The following SIM1 variants were observed in gnomAD, a reference collection of about 807,000 sequenced individuals.
SIM1 encodes the protein SIM bHLH transcription factor 1.
A neutral mutation model predicts 78.2 loss-of-function variants in SIM1; 18 were observed. That is an observed-to-expected ratio of 0.23 (90% confidence interval 0.16 to 0.34). The LOEUF (loss-of-function observed/expected upper bound fraction) is 0.34, where lower values mean the gene tolerates loss of function less well. Among genes scored for constraint, SIM1 ranks in the 10% least tolerant of loss-of-function variants. The pLI is 1.00. For missense variants in SIM1, 939 were observed against 975.1 expected (o/e 0.96, Z 0.49); for synonymous variants, 417 against 385.2 (o/e 1.08, Z -0.97).
At chr6:100,410,313 TG>T (rs1415072150) in intron 10 of SIM1, among the ~76,000 whole-genome samples, 7 of 152,200 alleles carry the variant, frequency 4.6e-5, no homozygotes, top group Non-Finnish European at 7.3e-5. Flanking sequence ...TCTTTTAAGC[TG>T]GGGAGCGGAA....
intron 2 of SIM1, among the ~76,000 whole-genome samples, chr6:100,456,514 A>G (rs1226650585): frequency 6.6e-6 from 1 of 152,262 alleles, no homozygotes; most frequent in African/African-American, 2.4e-5. Flanking sequence ...GTTTTGCAAA[A>G]GAGAAAAGGA....
At chr6:100,395,819 C>T (rs994861208) in intron 10 of SIM1, among the ~76,000 whole-genome samples, 6 of 152,222 alleles carry the variant, frequency 3.9e-5, no homozygotes, top group Non-Finnish European at 8.8e-5. Context: ...ATGAACTACA[C>T]AGGTTCCTCT....
At chr6:100,421,733 G>A (rs1771593913) in intron 9 of SIM1, among the ~76,000 whole-genome samples, 1 of 152,160 alleles carries the variant, frequency 6.6e-6, no homozygotes, top group African/African-American at 2.4e-5. Context: ...GAAGATGACA[G>A]CCTTGGCCTG....
At chr6:100,453,732 T>G in intron 3 of SIM1, 30 bp downstream of exon 3, 1 of 1,564,750 alleles carries the variant, frequency 6.4e-7, no homozygotes, top group South Asian at 1.1e-5. Flanking sequence ...CCTCAAAGCT[T>G]ATGTGTTGCC....
intron 2 of SIM1, among the ~76,000 whole-genome samples, chr6:100,462,302 A>G (rs1404620844): frequency 1.3e-5 from 2 of 152,180 alleles, no homozygotes; most frequent in Non-Finnish European, 2.9e-5. Context: ...CCTCTTTTAC[A>G]TTTCTGAATC....
In SIM1 at chr6:100,390,386, G is replaced by A. The variant is rs200035963; in HGVS notation, c.2276C>T (p.Ser759Phe). Reference protein sequence around the residue: ...PDPAQGHKGTSVIITNGS With the variant: ...PDPAQGHKGTFVIITNGS ...TCAGCTTCCGTTGGTTATTATAACA[G>A]ATGTTCCCTTGTGTCCTTGTGCTGG... The change falls in exon 12 of 12, where the codon TCT becomes TTT. Residue 759 changes from serine (S) to phenylalanine (F), a missense_variant. Physicochemically the swap from Ser to Phe is radical, Grantham distance 155 (BLOSUM62 -2). Coordinates refer to ENST00000369208, the MANE Select transcript of SIM1 (RefSeq NM_005068.3). 6.2e-7 allele frequency: 1 copy of A among 1,613,820 alleles called. No homozygotes were observed. Among genetic ancestry groups the A allele is most frequent in the East Asian group, 2.2e-5 (1 of 44,880 alleles).
chr6:100,428,759 T>G (rs1413547445), intron 9 of SIM1, among the ~76,000 whole-genome samples: 2 of 152,054 alleles, frequency 1.3e-5, no homozygotes, highest in Non-Finnish European at 2.9e-5. Flanking sequence ...AGGAAATGTA[T>G]GTATAGGAAA....
rs77595815 is a variant in SIM1, at chr6:100,441,790, G to A, written c.998+5478C>T. Among the ~76,000 whole-genome samples, 21 of 152,216 alleles carry A rather than the reference G, an allele frequency of 1.4e-4. No homozygotes were observed. The East Asian group carries it at 3.3e-3, about 24-fold the overall frequency. On this transcript the variant is annotated intron_variant, in intron 9 of 11. Coordinates refer to ENST00000369208, the MANE Select transcript of SIM1 (RefSeq NM_005068.3). ...TAGCTAGGAAAATGTCAATATCTGC[G>A]CACCCTTGTGAAGCAACCACAAAGA... is the stretch of plus-strand genomic sequence containing the variant.
At chr6:100,435,341 C>T (rs1190654419) in intron 9 of SIM1, among the ~76,000 whole-genome samples, 2 of 152,184 alleles carry the variant, frequency 1.3e-5, no homozygotes, top group Non-Finnish European at 2.9e-5. Flanking sequence ...CACCCTAAAA[C>T]AGCATTATCC....
At chr6:100,424,321 G>A (rs1164904687) in intron 9 of SIM1, among the ~76,000 whole-genome samples, 2 of 152,072 alleles carry the variant, frequency 1.3e-5, no homozygotes, top group Non-Finnish European at 2.9e-5. Context: ...AAATTTAACG[G>A]AAGACCATGA....
intron 2 of SIM1, among the ~76,000 whole-genome samples, chr6:100,454,045 CCT>C (rs1772584197): frequency 6.6e-6 from 1 of 152,224 alleles, no homozygotes; most frequent in South Asian, 2.1e-4. Flanking sequence ...GGTTAGATTT[CCT>C]CTTCTAAACT....
rs376512510 is a variant in SIM1, at chr6:100,391,438, TAAGAG to T, written c.1571-352_1571-348del. Among the ~76,000 whole-genome samples, 390 of 152,346 alleles carry T rather than the reference TAAGAG, an allele frequency of 2.6e-3. 1 individual carries two copies. Among genetic ancestry groups the T allele is most frequent in the African/African-American group, 8.9e-3 (370 of 41,592 alleles). ...GTTATTAGACCTGTCTGACTGGAAA[TAAGAG>T]AAGGATGCATAGAATTTGGTTTATG... On this transcript the variant is annotated intron_variant, in intron 11 of 11. Transcript: ENST00000369208.
intron 9 of SIM1, among the ~76,000 whole-genome samples, chr6:100,431,529 C>T (rs778618675): frequency 1.2e-4 from 18 of 152,298 alleles, no homozygotes; most frequent in Non-Finnish European, 2.4e-4. Flanking sequence ...AGTATTCAGA[C>T]ATTATTTTAA....
At chr6:100,458,589 T>A (rs1772749473) in intron 2 of SIM1, among the ~76,000 whole-genome samples, 2 of 152,126 alleles carry the variant, frequency 1.3e-5, no homozygotes, top group Non-Finnish European at 2.9e-5. Context: ...TGGGCCGGCC[T>A]GGGGAGTAAG....
At position 100,385,695 on chromosome 6, in the gene SIM1, G is replaced by C. The variant is rs926080863; in HGVS notation, c.*4666C>G. The C allele has an allele frequency of 2.6e-5, 4 of 151,342 alleles. No homozygotes were observed. Among genetic ancestry groups the C allele is most frequent in the Non-Finnish European group, 4.4e-5 (3 of 67,836 alleles). 9.4% of individuals were successfully genotyped at this position (151,342 alleles called of 1,614,324 possible). A position where few individuals can be genotyped will look rare whatever the true frequency, so the allele number is the denominator to read the frequency against. On this transcript the variant is annotated 3_prime_UTR_variant, in exon 12 of 12. Transcript: ENST00000369208. Reference sequence around the variant, plus strand: ...TGTGTGTGTGTGTGTGTGTGTGTGTGTGTGTGTGTGTGTGTTATAATTGGA... The same window carrying C: ...TGTGTGTGTGTGTGTGTGTGTGTGTCTGTGTGTGTGTGTGTTATAATTGGA...
intron 2 of SIM1, among the ~76,000 whole-genome samples, chr6:100,454,178 G>A (rs1032792478): frequency 1.3e-5 from 2 of 152,126 alleles, no homozygotes; most frequent in African/African-American, 2.4e-5. Flanking sequence ...TGTGTTTACG[G>A]GGCGTAAGGG....
At chr6:100,406,488 C>T (rs945690129) in intron 10 of SIM1, among the ~76,000 whole-genome samples, 7 of 152,016 alleles carry the variant, frequency 4.6e-5, no homozygotes, top group East Asian at 1.9e-4. Context: ...ACCTTGTGCA[C>T]GCTGAAAGAG....
chr6:100,422,611 T>C (rs1771622722), intron 9 of SIM1, among the ~76,000 whole-genome samples: 1 of 152,160 alleles, frequency 6.6e-6, no homozygotes. Context: ...GGTTCTTCTA[T>C]AGCAAGATCA....
Position 100,387,877 on chromosome 6 carries a change from T to C in SIM1, c.*2484A>G, listed in dbSNP as rs1770550015. The stretch of plus-strand genomic sequence containing the variant: ...AATATCAGTTCATTTTCCCTGGTTC[T>C]TAAGTTTCCATTTCTTTTAGCTTCT... On this transcript the variant is annotated 3_prime_UTR_variant, in exon 12 of 12. Transcript: ENST00000369208. The C allele has an allele frequency of 6.6e-6, 1 of 152,136 alleles. No individual in the cohort carries two copies. The highest frequency in any genetic ancestry group is 1.5e-5 in the Non-Finnish European group (1 of 67,976). 9.4% of individuals were successfully genotyped at this position (152,136 alleles called of 1,614,324 possible). A position where few individuals can be genotyped will look rare whatever the true frequency, so the allele number is the denominator to read the frequency against.
Sources: allele counts gnomAD v4.1 joint callset (sites outside exome capture counted in the v4.1 genomes callset), GRCh38; gene constraint gnomAD v4.1.1; transcripts MANE v1.5; gene names NCBI Gene and HGNC (gene_info 2026-07-23, HGNC 2026-07-21).